THSD7A: variants seen among roughly 807,000 people sequenced by gnomAD.
THSD7A encodes the protein thrombospondin type-1 domain-containing protein 7A.
THSD7A carries 96 observed loss-of-function variants against 231.3 expected under a neutral mutation model. That is an observed-to-expected ratio of 0.41 (90% CI 0.35 to 0.49). The LOEUF (loss-of-function observed/expected upper bound fraction) is 0.49, where lower values mean the gene tolerates loss of function less well. Ranked by LOEUF, THSD7A falls within the 20% of genes least tolerant of loss-of-function variation. The pLI is 0.05. For synonymous variants in THSD7A, 940 were observed against 743.3 expected, an observed-to-expected ratio of 1.26 and a Z score of -4.30; for missense variants, 2,290 against 2,070.2, an observed-to-expected ratio of 1.11 and a Z score of -2.06.
At chr7:11,797,170 T>G (rs1784147789) in intron 1 of THSD7A, among the ~76,000 whole-genome samples, 1 of 152,132 alleles carries the variant, frequency 6.6e-6, no homozygotes, top group Non-Finnish European at 1.5e-5. Flanking sequence ...ATGTATTTTA[T>G]GTTTATTTTC....
chr7:11,725,753 T>C (rs551284287), intron 1 of THSD7A, among the ~76,000 whole-genome samples: 3 of 151,998 alleles, frequency 2.0e-5, no homozygotes, highest in African/African-American at 7.2e-5. Flanking sequence ...TACGCAGTTG[T>C]GTAAATGTGG....
chr7:11,795,558 A>T (rs1385282963), intron 1 of THSD7A, among the ~76,000 whole-genome samples: 1 of 152,066 alleles, frequency 6.6e-6, no homozygotes, highest in African/African-American at 2.4e-5. Flanking sequence ...ATGTTGTATT[A>T]GTCCCTAGTT....
At chr7:11,586,995 T>C (rs910637366) in intron 4 of THSD7A, among the ~76,000 whole-genome samples, 2 of 152,204 alleles carry the variant, frequency 1.3e-5, no homozygotes, top group Non-Finnish European at 2.9e-5. Flanking sequence ...TTCAGTTTCC[T>C]ATAAGTCACT....
At chr7:11,714,279 A>C (rs1008074750) in intron 1 of THSD7A, among the ~76,000 whole-genome samples, 2 of 151,244 alleles carry the variant, frequency 1.3e-5, no homozygotes, top group Non-Finnish European at 1.5e-5. Context: ...GTATTTTATC[A>C]ATCAGTCCTC....
chr7:11,625,226 G>A (rs1200364277), intron 2 of THSD7A, among the ~76,000 whole-genome samples: 1 of 151,912 alleles, frequency 6.6e-6, no homozygotes, highest in African/African-American at 2.4e-5. Context: ...AAATGATTTT[G>A]TTGTTGTTAT....
At chr7:11,573,413 T>G (rs1444501323) in intron 4 of THSD7A, among the ~76,000 whole-genome samples, 2 of 152,148 alleles carry the variant, frequency 1.3e-5, no homozygotes, top group African/African-American at 4.8e-5. Context: ...GATTTCTGAC[T>G]CCTTTGCTCA....
Position 11,411,132 on chromosome 7 carries a change from G to T in THSD7A, c.3798+75C>A. The T allele has an allele frequency of 9.0e-7, 1 of 1,109,468 alleles. No individual in the cohort carries two copies. The highest frequency in any genetic ancestry group is 1.4e-5 in the South Asian group (1 of 70,618). 68.7% of individuals were successfully genotyped at this position (1,109,468 alleles called of 1,614,324 possible). A position where few individuals can be genotyped will look rare whatever the true frequency, so the allele number is the denominator to read the frequency against. Reference sequence around the variant, plus strand: ...TGGCAATGAGCTGCATGGAGCACGGGTCACTTGGCTCAGCATGAATTGAAA... The same window carrying T: ...TGGCAATGAGCTGCATGGAGCACGGTTCACTTGGCTCAGCATGAATTGAAA... On this transcript the variant is annotated intron_variant, in intron 19 of 27. Transcript: ENST00000423059. The surrounding 1 kb of genome is among the most constrained non-coding windows in gnomAD (Gnocchi z 4.1).
intron 23 of THSD7A, among the ~76,000 whole-genome samples, chr7:11,390,299 T>C (rs1377466358): frequency 6.6e-6 from 1 of 152,228 alleles, no homozygotes; most frequent in Non-Finnish European, 1.5e-5. Flanking sequence ...CTTTGTTTGT[T>C]CCTTTTTATT....
At chr7:11,656,018 T>G (rs1447215287) in intron 1 of THSD7A, among the ~76,000 whole-genome samples, 1 of 151,896 alleles carries the variant, frequency 6.6e-6, no homozygotes, top group East Asian at 1.9e-4. Flanking sequence ...GATTTCTTAA[T>G]CAGCAGCCTT....
intron 6 of THSD7A, among the ~76,000 whole-genome samples, chr7:11,525,971 A>C (rs1264836167): frequency 6.6e-6 from 1 of 152,132 alleles, no homozygotes; most frequent in Non-Finnish European, 1.5e-5. Context: ...TCCTAGACCA[A>C]ATTTGTTTTA....
intron 16 of THSD7A, among the ~76,000 whole-genome samples, chr7:11,421,413 A>G (rs1784138149): frequency 6.6e-6 from 1 of 151,466 alleles, no homozygotes; most frequent in Non-Finnish European, 1.5e-5. Flanking sequence ...TCATGATTGT[A>G]AGTTTCCTGA....
chr7:11,588,500 C>G lies in THSD7A; in HGVS notation c.1453+1960G>C, dbSNP rs1029833982. On this transcript the variant is annotated intron_variant, in intron 4 of 27. Transcript: ENST00000423059. ...ATTAGTTACCTCCATATCTATTGAC[C>G]TTTGCTTTGGCATTTGCTTTAGTCT... Among the ~76,000 whole-genome samples the G allele has an allele frequency of 2.0e-5, 3 of 152,172 alleles. No homozygotes were observed. In the South Asian group the frequency reaches 6.2e-4, roughly 32 times the overall value.
At chr7:11,692,948 C>T (rs2128142440) in intron 1 of THSD7A, among the ~76,000 whole-genome samples, 1 of 151,604 alleles carries the variant, frequency 6.6e-6, no homozygotes, top group East Asian at 2.0e-4. Flanking sequence ...TATCTGGATA[C>T]TAACTTGTAT....
At chr7:11,431,285 C>A (rs1038762381) in intron 13 of THSD7A, among the ~76,000 whole-genome samples, 1 of 152,108 alleles carries the variant, frequency 6.6e-6, no homozygotes, top group Non-Finnish European at 1.5e-5. Context: ...AAGTCAAGGT[C>A]ATCTAGGTTT....
chr7:11,462,161 T>C lies in THSD7A; in HGVS notation c.2369-18A>G, dbSNP rs768411914. On this transcript the variant is annotated intron_variant, in intron 9 of 27. Coordinates refer to ENST00000423059, the MANE Select transcript of THSD7A (RefSeq NM_015204.3). ...GGAGTCCCCTGCAATGAAGCAGTTT[T>C]TTAACCTCTGTACTTTACACTGATG... 11 of 1,613,216 alleles carry C rather than the reference T, an allele frequency of 6.8e-6. No individual in the cohort carries two copies. In the South Asian group the frequency reaches 1.2e-4, roughly 18 times the overall value.
intron 1 of THSD7A, among the ~76,000 whole-genome samples, chr7:11,697,262 ATACCTGGAATAACCTCTCCAC>A (rs1780431937): frequency 1.3e-5 from 2 of 151,488 alleles, no homozygotes; most frequent in East Asian, 3.9e-4. Flanking sequence ...TACATTTTCC[ATACCTGGAATAACCTCTCCAC>A]TTTACTCAGA....
chr7:11,424,571 TA>T (rs1303471818), intron 16 of THSD7A, 124 bp downstream of exon 16: 37 of 1,397,404 alleles, frequency 2.6e-5, no homozygotes, highest in Middle Eastern at 4.0e-4. Flanking sequence ...ACAGATTCCC[TA>T]AAAGCAAAAC....
At chr7:11,577,602 C>G (rs61) in intron 4 of THSD7A, among the ~76,000 whole-genome samples, 75,006 of 150,588 alleles carry the variant, frequency 0.5, 19,418 homozygotes, top group Admixed American at 0.62. Flanking sequence ...CAGGTGTGAG[C>G]CACCATGGCT....
intron 1 of THSD7A, among the ~76,000 whole-genome samples, chr7:11,764,132 A>G (rs1205207284): frequency 2.0e-5 from 3 of 152,192 alleles, no homozygotes; most frequent in Admixed American, 6.5e-5. Context: ...ATATAGCCCA[A>G]TTATTCAATC....
Sources: allele counts gnomAD v4.1 joint callset (sites outside exome capture counted in the v4.1 genomes callset), GRCh38; gene constraint gnomAD v4.1.1; non-coding constraint Gnocchi (gnomAD v3.1); transcripts MANE v1.5; gene names NCBI Gene and HGNC (gene_info 2026-07-23, HGNC 2026-07-21).